The following DLG2 variants were observed in gnomAD, a reference collection of about 807,000 sequenced individuals.
The protein encoded by DLG2 is disks large homolog 2.
Under a neutral mutation model 132.5 loss-of-function variants are expected in DLG2, and 45 were observed. The observed-to-expected ratio is 0.34, with a 90% confidence interval of 0.27 to 0.44. The LOEUF (loss-of-function observed/expected upper bound fraction) is 0.44. DLG2 is among the 20% of genes least tolerant of loss of function. DLG2 has a pLI of 1.00. For missense variants in DLG2, 1,045 were observed against 1,196.9 expected, an observed-to-expected ratio of 0.87 and a Z score of 1.87; for synonymous variants, 424 against 419.6, an observed-to-expected ratio of 1.01 and a Z score of -0.13.
At chr11:85,162,204 A>C (rs944092102) in intron 4 of DLG2, among the ~76,000 whole-genome samples, 1 of 152,202 alleles carries the variant, frequency 6.6e-6, no homozygotes, top group African/African-American at 2.4e-5. Context: ...CACAACGGGA[A>C]GTAAGGAAGT....
At chr11:84,838,668 A>T (rs1473374482) in intron 6 of DLG2, among the ~76,000 whole-genome samples, 1 of 151,568 alleles carries the variant, frequency 6.6e-6, no homozygotes, top group African/African-American at 2.4e-5. Context: ...ATAAAAGTAT[A>T]AAATCAAGGC....
chr11:84,724,130 T>G (rs1404444175), intron 6 of DLG2, among the ~76,000 whole-genome samples: 1 of 152,090 alleles, frequency 6.6e-6, no homozygotes. Flanking sequence ...ATGGTGCTGT[T>G]TCCTACTCTC....
At chr11:84,070,857 G>A (rs1048250414) in intron 10 of DLG2, among the ~76,000 whole-genome samples, 3 of 152,066 alleles carry the variant, frequency 2.0e-5, no homozygotes, top group Non-Finnish European at 2.9e-5. Flanking sequence ...ACCCAGCCTG[G>A]CACCTATCTT....
chr11:84,583,780 G>A (rs933865515), intron 6 of DLG2, among the ~76,000 whole-genome samples: 21 of 151,880 alleles, frequency 1.4e-4, no homozygotes, highest in African/African-American at 5.1e-4. Flanking sequence ...TTGTTTAAAT[G>A]TGCTTCTTTT....
intron 8 of DLG2, among the ~76,000 whole-genome samples, chr11:84,177,578 T>C (rs937540166): frequency 2.6e-5 from 4 of 152,172 alleles, no homozygotes; most frequent in East Asian, 1.9e-4. Flanking sequence ...TACTTATACT[T>C]ACTTCAATAA....
At chr11:84,943,889 G>T (rs1009860137) in intron 6 of DLG2, among the ~76,000 whole-genome samples, 1 of 151,708 alleles carries the variant, frequency 6.6e-6, no homozygotes, top group Non-Finnish European at 1.5e-5. Flanking sequence ...TTTCTTTCAG[G>T]CTAAAGAACT....
At chr11:85,129,529 C>T (rs1225107592) in intron 5 of DLG2, among the ~76,000 whole-genome samples, 4 of 152,094 alleles carry the variant, frequency 2.6e-5, no homozygotes, top group Non-Finnish European at 5.9e-5. Context: ...TTTTGATTTG[C>T]ATTTCTCTAA....
intron 2 of DLG2, among the ~76,000 whole-genome samples, chr11:85,605,068 A>G (rs909656485): frequency 1.3e-5 from 2 of 152,358 alleles, no homozygotes; most frequent in East Asian, 3.9e-4. Context: ...TGGAAAATAA[A>G]GCATTTAGAA....
chr11:85,432,644 C>T (rs192026067), intron 3 of DLG2, among the ~76,000 whole-genome samples: 2 of 151,818 alleles, frequency 1.3e-5, no homozygotes, highest in African/African-American at 2.4e-5. Flanking sequence ...ATGAACAAAC[C>T]AAACCTCCCA....
chr11:83,562,830 C>G (rs1339686258), intron 19 of DLG2, among the ~76,000 whole-genome samples: 1 of 152,038 alleles, frequency 6.6e-6, no homozygotes, highest in Non-Finnish European at 1.5e-5. Flanking sequence ...TGGAACAAAT[C>G]TGGATGGCAA....
chr11:84,844,953 T>C (rs2081271835), intron 6 of DLG2, among the ~76,000 whole-genome samples: 2 of 152,160 alleles, frequency 1.3e-5, no homozygotes, highest in African/African-American at 2.4e-5. Context: ...TGAATATGCA[T>C]ATTAACATTG....
chr11:83,831,054 A>C (rs974508274), intron 17 of DLG2, among the ~76,000 whole-genome samples: 1 of 152,216 alleles, frequency 6.6e-6, no homozygotes, highest in Non-Finnish European at 1.5e-5. Flanking sequence ...TATTTATTCA[A>C]CACTTTTTCA....
At chr11:85,314,194 T>G (rs2080495662) in intron 3 of DLG2, among the ~76,000 whole-genome samples, 1 of 151,992 alleles carries the variant, frequency 6.6e-6, no homozygotes, top group Non-Finnish European at 1.5e-5. Context: ...ATTTTCTGGA[T>G]AGTATAGGAG....
rs771176875 is a variant in DLG2 at position 83,993,858 on chromosome 11, C to T, written c.920-13216G>A. On this transcript the variant is annotated intron_variant, in intron 11 of 27. Transcript: ENST00000376104. ...CCAGCACACAAAGCCACAAAAGTTACATAGATTATTTAAAAGATGTAAAAA... is the reference window on the plus strand; with the variant it reads ...CCAGCACACAAAGCCACAAAAGTTATATAGATTATTTAAAAGATGTAAAAA... Among the ~76,000 whole-genome samples the T allele has an allele frequency of 9.9e-5, 15 of 152,240 alleles. 1 individual carries two copies. The South Asian group carries it at 2.7e-3, about 27-fold the overall frequency.
intron 18 of DLG2, among the ~76,000 whole-genome samples, chr11:83,724,474 TGTGAGAGAGAGAGAGAGAGAGAGA>T (rs1436006600): frequency 5.8e-5 from 6 of 103,430 alleles, no homozygotes; most frequent in South Asian, 3.8e-4. Flanking sequence ...TGTGTGTGTG[TGTGAGAGAGAGAGAGAGAGAGAGA>T]GAGAGAGAGA....
chr11:83,953,209 A>G (rs2085918109), intron 14 of DLG2, among the ~76,000 whole-genome samples: 1 of 152,194 alleles, frequency 6.6e-6, no homozygotes, highest in Non-Finnish European at 1.5e-5. Flanking sequence ...GGTAATTACT[A>G]ATATTAATAT....
chr11:85,620,041 C>T (rs1024637502), intron 2 of DLG2, among the ~76,000 whole-genome samples: 2 of 152,212 alleles, frequency 1.3e-5, no homozygotes, highest in African/African-American at 4.8e-5. Flanking sequence ...TTTGTGACAA[C>T]CCTGTGTCAA....
At chr11:84,867,954 G>A (rs532076740) in intron 6 of DLG2, among the ~76,000 whole-genome samples, 157 of 152,040 alleles carry the variant, frequency 1.0e-3, no homozygotes, top group South Asian at 5.2e-3. Context: ...GGCGCCTGCA[G>A]TCCCAGCTAC....
chr11:83,720,895 C>T (rs2088348978), intron 18 of DLG2: 1 of 152,102 alleles, frequency 6.6e-6, no homozygotes, highest in Admixed American at 6.5e-5. Flanking sequence ...ATTCCTCTCA[C>T]CGCGGGAAGA....
Sources: allele counts gnomAD v4.1 joint callset (sites outside exome capture counted in the v4.1 genomes callset), GRCh38; gene constraint gnomAD v4.1.1; transcripts MANE v1.5; gene names NCBI Gene and HGNC (gene_info 2026-07-23, HGNC 2026-07-21).